The following FOXP4 variants were observed in gnomAD, a reference collection of about 807,000 sequenced individuals.
FOXP4 encodes forkhead box protein P4.
FOXP4 carries 25 observed loss-of-function variants against 82.6 expected under a neutral mutation model. The ratio of observed to expected loss-of-function variants is 0.30; its 90% CI spans 0.22 to 0.42. The LOEUF is 0.42. FOXP4 is among the 10% of genes least tolerant of loss of function. The probability of loss-of-function intolerance (pLI) is 1.00; values close to 1 mark genes in which losing one functional copy is unlikely to be tolerated. For synonymous variants in FOXP4, 415 were observed against 388.2 expected, an observed-to-expected ratio of 1.07 and a Z score of -0.81; for missense variants, 785 against 900.9, an observed-to-expected ratio of 0.87 and a Z score of 1.65.
At chr6:41,556,028 G>A (rs762430484) in intron 1 of FOXP4, among the ~76,000 whole-genome samples, 1 of 152,110 alleles carries the variant, frequency 6.6e-6, no homozygotes, top group African/African-American at 2.4e-5. Context: ...AGGGCCTGTG[G>A]GAGCGTTTCA....
chr6:41,590,001 G>A lies in FOXP4; in HGVS notation c.1188G>A (p.Val396=), dbSNP rs373821544. The A allele has an allele frequency of 6.2e-7, 1 of 1,613,934 alleles. No individual in the cohort carries two copies. The highest frequency in any genetic ancestry group is 1.3e-5 in the African/African-American group (1 of 75,020). Residue 396 remains valine, a synonymous_variant, in exon 11 of 17, where the codon GTG becomes GTA. Coordinates refer to ENST00000307972, the MANE Select transcript of FOXP4 (RefSeq NM_001012426.2). ...CCGGCTCCTCCTCATTCTCCAAGGT[G>A]ACCGTCTCTGCAGCAGACTCATTCC... ...PVPGSSSFSK[V]TVSAADSFPD...
At chr6:41,575,030 G>T (rs1451751908) in intron 2 of FOXP4, among the ~76,000 whole-genome samples, 3 of 152,128 alleles carry the variant, frequency 2.0e-5, no homozygotes, top group Admixed American at 2.0e-4. Flanking sequence ...GTGCAGTGGT[G>T]CCACCTCGGC....
chr6:41,567,068 A>G (rs1042755971), intron 2 of FOXP4, among the ~76,000 whole-genome samples: 2 of 152,240 alleles, frequency 1.3e-5, no homozygotes, highest in Non-Finnish European at 2.9e-5. Flanking sequence ...CAACACCATC[A>G]GAAGCCTGAC....
rs72858936 is a variant in FOXP4 at position 41,558,221 on chromosome 6, A to G, written c.-16-7524A>G. Among the ~76,000 whole-genome samples, 3,556 of 152,296 alleles carry G rather than the reference A, an allele frequency of 0.023. 65 individuals carry two copies. Among genetic ancestry groups the G allele is most frequent in the Non-Finnish European group, 0.036 (2,425 of 68,014 alleles). ...CACAGAGCCCCATGTGTTTGGGGAG[A>G]GAAACTGCTGGCACGATCAGGGAGC... On this transcript the variant is annotated intron_variant, in intron 1 of 16. Transcript: ENST00000307972. This position sits in a 1 kb window ranked among gnomAD's most constrained non-coding sequence, Gnocchi z 4.0.
At chr6:41,577,165 G>C (rs989241079) in intron 2 of FOXP4, among the ~76,000 whole-genome samples, 3 of 151,974 alleles carry the variant, frequency 2.0e-5, no homozygotes, top group Non-Finnish European at 4.4e-5. Context: ...CCTCCCACTC[G>C]TATGACCCCT....
rs925327048 is a variant in FOXP4 at position 41,586,871 on chromosome 6, A to G, written c.511-138A>G. 19 of 1,371,768 alleles carry G rather than the reference A, an allele frequency of 1.4e-5. No individual in the cohort carries two copies. The African/African-American group carries it at 2.6e-4, about 19-fold the overall frequency. The allele number at this position is 1,371,768 out of a possible 1,614,324, so 85.0% of individuals were successfully genotyped here. On this transcript the variant is annotated intron_variant, in intron 5 of 16. Coordinates refer to ENST00000307972, the MANE Select transcript of FOXP4 (RefSeq NM_001012426.2). ...TGGAAGCTGGGCCGGGAGCAGAGAC[A>G]CTGCAGCTGCAGACGCCACAACGAC... is the stretch of plus-strand genomic sequence containing the variant.
At chr6:41,583,753 T>C (rs1197428258) in intron 3 of FOXP4, among the ~76,000 whole-genome samples, 1 of 152,178 alleles carries the variant, frequency 6.6e-6, no homozygotes, top group Non-Finnish European at 1.5e-5. Context: ...GAGACCTGCC[T>C]GTCCATGACT....
At chr6:41,589,262 G>A (rs1020473758) in intron 9 of FOXP4, among the ~76,000 whole-genome samples, 11 of 152,240 alleles carry the variant, frequency 7.2e-5, no homozygotes, top group Non-Finnish European at 1.5e-4. Flanking sequence ...AAGCAACTCA[G>A]GGCAGCTCCT....
intron 1 of FOXP4, among the ~76,000 whole-genome samples, chr6:41,551,381 C>T (rs916045728): frequency 6.6e-6 from 1 of 152,142 alleles, no homozygotes; most frequent in South Asian, 2.1e-4. Context: ...AGGGTCTTTT[C>T]CCGGCTGTCC....
chr6:41,574,410 G>T (rs921439316), intron 2 of FOXP4, among the ~76,000 whole-genome samples: 4 of 152,216 alleles, frequency 2.6e-5, no homozygotes, highest in African/African-American at 9.6e-5. Context: ...GCTCAATGTT[G>T]TGAAGCTTCA....
intron 2 of FOXP4, among the ~76,000 whole-genome samples, chr6:41,577,312 A>G (rs1211245728): frequency 1.3e-5 from 2 of 152,114 alleles, no homozygotes; most frequent in Non-Finnish European, 1.5e-5. Flanking sequence ...TGAACTCAGA[A>G]AGTCACACGG....
intron 3 of FOXP4, among the ~76,000 whole-genome samples, 174 bp downstream of exon 3, chr6:41,578,255 TTCTCTCG>T (rs1213288517): frequency 6.6e-6 from 1 of 152,192 alleles, no homozygotes; most frequent in South Asian, 2.1e-4. Flanking sequence ...GCTTCCCACT[TTCTCTCG>T]TCTCCACCTG....
rs901832410 is a variant in FOXP4, at chr6:41,600,887, C to T, written c.*1951C>T. 1.3e-5 allele frequency: 2 copies of T among 152,280 alleles called. No individual in the cohort carries two copies. Among genetic ancestry groups the T allele is most frequent in the Non-Finnish European group, 2.9e-5 (2 of 68,046 alleles). The allele number at this position is 152,280 out of a possible 1,614,324, so 9.4% of individuals were successfully genotyped here. ...TCTCTGTCATTTTCCTGTTTTCTTCCAGAGTCCCAATCCTTTGCCCTAGTT... is the reference window on the plus strand; with the variant it reads ...TCTCTGTCATTTTCCTGTTTTCTTCTAGAGTCCCAATCCTTTGCCCTAGTT... On this transcript the variant is annotated 3_prime_UTR_variant, in exon 17 of 17. Coordinates refer to ENST00000307972, the MANE Select transcript of FOXP4 (RefSeq NM_001012426.2).
At chr6:41,565,633 A>G (rs1487724101) in intron 1 of FOXP4, 112 bp from the exon 2 acceptor site, 3 of 961,076 alleles carry the variant, frequency 3.1e-6, no homozygotes, top group Non-Finnish European at 4.7e-6. Context: ...GTTGAGGAGA[A>G]GTAGATGCCC....
chr6:41,547,778 C>G (rs1161264875), intron 1 of FOXP4, among the ~76,000 whole-genome samples: 3 of 114,300 alleles, frequency 2.6e-5, no homozygotes, highest in African/African-American at 1.7e-4. Flanking sequence ...CCGAGCAGGA[C>G]CCCCCCCCGC....
At chr6:41,577,337 G>A (rs1420726399) in intron 2 of FOXP4, among the ~76,000 whole-genome samples, 1 of 152,202 alleles carries the variant, frequency 6.6e-6, no homozygotes, top group African/African-American at 2.4e-5. Context: ...CAGACCTTGT[G>A]CCACTGACCC....
chr6:41,591,459 G>C lies in FOXP4; in HGVS notation c.1536+137G>C. ...AACAGCCACCCAAGGGCCCAGCCAG[G>C]GCTGCATGCCCACGCCCACCTCAGC... On this transcript the variant is annotated intron_variant, in intron 13 of 16. Transcript: ENST00000307972. The surrounding 1 kb of genome is among the most constrained non-coding windows in gnomAD (Gnocchi z 4.2). 1.4e-6 allele frequency: 1 copy of C among 730,372 alleles called. No individual in the cohort carries two copies. The highest frequency in any genetic ancestry group is 2.3e-6 in the Non-Finnish European group (1 of 427,048). The allele number at this position is 730,372 out of a possible 1,614,324, so 45.2% of individuals were successfully genotyped here.
chr6:41,587,165 C>A lies in FOXP4; in HGVS notation c.658+9C>A. 6.2e-7 allele frequency: 1 copy of A among 1,606,638 alleles called. No individual in the cohort carries two copies. Among genetic ancestry groups the A allele is most frequent in the South Asian group, 1.1e-5 (1 of 90,530 alleles). ...CCAGACCCTTCCGCAAGGTGAGCAC[C>A]CGCCACTCCTCCCCTCCCAGCCCCA... On this transcript the variant is annotated intron_variant, in intron 6 of 16. Coordinates refer to ENST00000307972, the MANE Select transcript of FOXP4 (RefSeq NM_001012426.2).
At chr6:41,580,969 C>A (rs1765765043) in intron 3 of FOXP4, among the ~76,000 whole-genome samples, 1 of 152,218 alleles carries the variant, frequency 6.6e-6, no homozygotes. Context: ...GTGAGGGGCC[C>A]TCCTTCCAGG....
Sources: gnomAD v4.1 joint callset for allele counts (sites outside exome capture counted in the v4.1 genomes callset) on GRCh38, gnomAD v4.1.1 for gene constraint, Gnocchi (gnomAD v3.1) non-coding constraint, MANE v1.5 for transcripts, NCBI Gene and HGNC (gene_info 2026-07-23, HGNC 2026-07-21) for gene names.